Variants in GPR176 observed in about 807,000 individuals in gnomAD.
The protein encoded by GPR176 is G-protein coupled receptor 176.
In GPR176, 26 loss-of-function variants were observed where a neutral mutation model predicts 35.4. The observed-to-expected ratio is 0.74, with a 90% CI of 0.54 to 1.02. GPR176 has a LOEUF of 1.02. Among genes scored for constraint, GPR176 ranks in the 50% least tolerant of loss-of-function variants. The probability of loss-of-function intolerance (pLI) is 0.00; values close to 1 mark genes in which losing one functional copy is unlikely to be tolerated. For missense variants in GPR176, 597 were observed against 665.3 expected (o/e 0.90, Z 1.13); for synonymous variants, 278 against 271.3 (o/e 1.02, Z -0.24).
intron 1 of GPR176, among the ~76,000 whole-genome samples, chr15:39,893,796 C>T (rs1258281663): frequency 3.5e-5 from 5 of 144,628 alleles, no homozygotes; most frequent in African/African-American, 7.6e-5. Flanking sequence ...CCCCCCACCT[C>T]CCTCCCGGAT....
intron 1 of GPR176, chr15:39,813,186 C>T (rs1054995594): frequency 2.0e-5 from 3 of 152,090 alleles, no homozygotes; most frequent in Middle Eastern, 3.2e-3. Flanking sequence ...AGTCATTTAA[C>T]GTTTAGAGTA....
chr15:39,907,740 C>G (rs780800622), intron 1 of GPR176, among the ~76,000 whole-genome samples: 9 of 152,184 alleles, frequency 5.9e-5, no homozygotes, highest in Non-Finnish European at 1.0e-4. Flanking sequence ...CCTTTTCTAA[C>G]ACAGCTAGAT....
rs1216550715 is a variant in GPR176, at chr15:39,859,538, A to C, written c.173-52280T>G. Among the ~76,000 whole-genome samples, 12 of 152,016 alleles carry C rather than the reference A, an allele frequency of 7.9e-5. 1 individual carries two copies. The highest frequency in any genetic ancestry group is 7.9e-4 in the Admixed American group (12 of 15,256). On this transcript the variant is annotated intron_variant, in intron 1 of 2. Transcript: ENST00000561100. ...AAATAAAGTATTGGCAAGGATGCAG[A>C]GAAATTGGAACCTTTGTGCACTGTT... is the stretch of plus-strand genomic sequence containing the variant.
intron 1 of GPR176, among the ~76,000 whole-genome samples, chr15:39,855,965 A>AT (rs2031188074): frequency 6.6e-6 from 1 of 152,234 alleles, no homozygotes; most frequent in South Asian, 2.1e-4. Flanking sequence ...AGTAGATATC[A>AT]TTATTCATTG....
intron 1 of GPR176, chr15:39,829,339 C>T (rs1381875302): frequency 5.2e-6 from 7 of 1,346,346 alleles, no homozygotes; most frequent in Middle Eastern, 2.8e-4. Flanking sequence ...GCCAAAGTTC[C>T]ATGGGGGCAA....
chr15:39,811,867 G>A (rs1446526269), intron 1 of GPR176, among the ~76,000 whole-genome samples: 1 of 150,638 alleles, frequency 6.6e-6, no homozygotes, highest in Non-Finnish European at 1.5e-5. Flanking sequence ...AGTGAGCCGA[G>A]ATTGCGCCAT....
chr15:39,816,645 A>G (rs1284195445), intron 1 of GPR176, among the ~76,000 whole-genome samples: 1 of 152,258 alleles, frequency 6.6e-6, no homozygotes, highest in African/African-American at 2.4e-5. Context: ...ATCTTGAAAC[A>G]ACCATGAGAT....
chr15:39,893,828 G>A lies in GPR176; in HGVS notation c.172+26027C>T, dbSNP rs1425544125. Among the ~76,000 whole-genome samples, 36 of 145,794 alleles carry A rather than the reference G, an allele frequency of 2.5e-4. No homozygotes were observed. The East Asian group carries it at 6.7e-3, about 27-fold the overall frequency. On this transcript the variant is annotated intron_variant, in intron 1 of 2. Transcript: ENST00000561100. ...GGATGGGGCGGCTGGCCTGGCAGAG[G>A]GGCTCCTCACTTCCCAGTAGGGGCG... is the stretch of plus-strand genomic sequence containing the variant.
At chr15:39,813,322 G>A (rs898780255) in intron 1 of GPR176, 5 of 152,180 alleles carry the variant, frequency 3.3e-5, no homozygotes, top group African/African-American at 7.2e-5. Context: ...GAATGTCCCT[G>A]AGCATTTCTT....
intron 1 of GPR176, among the ~76,000 whole-genome samples, chr15:39,811,611 T>G (rs914000967): frequency 3.3e-5 from 5 of 152,158 alleles, no homozygotes; most frequent in Admixed American, 6.5e-5. Flanking sequence ...TTGAGCATCA[T>G]GTTGGTGCTC....
intron 1 of GPR176, among the ~76,000 whole-genome samples, chr15:39,851,301 A>G (rs1430077095): frequency 6.6e-6 from 1 of 152,200 alleles, no homozygotes; most frequent in Non-Finnish European, 1.5e-5. Flanking sequence ...TCTATGAAGA[A>G]AACATAAGCC....
intron 1 of GPR176, among the ~76,000 whole-genome samples, chr15:39,916,162 A>G (rs1001576748): frequency 6.6e-6 from 1 of 152,184 alleles, no homozygotes; most frequent in Non-Finnish European, 1.5e-5. Context: ...AAAGAGAAAT[A>G]TTAACTCTGA....
intron 1 of GPR176, among the ~76,000 whole-genome samples, chr15:39,827,603 C>G (rs1900761669): frequency 6.6e-6 from 1 of 152,198 alleles, no homozygotes; most frequent in Non-Finnish European, 1.5e-5. Flanking sequence ...AAGGTCCATT[C>G]AGTCAGTTGG....
chr15:39,884,329 T>C (rs1215114395), intron 1 of GPR176, among the ~76,000 whole-genome samples: 2 of 152,186 alleles, frequency 1.3e-5, no homozygotes, highest in Non-Finnish European at 2.9e-5. Context: ...CATGGGAATC[T>C]CTCTATATCC....
At chr15:39,811,607 A>G (rs1899550600) in intron 1 of GPR176, among the ~76,000 whole-genome samples, 1 of 152,198 alleles carries the variant, frequency 6.6e-6, no homozygotes, top group South Asian at 2.1e-4. Flanking sequence ...TCATTTGAGC[A>G]TCATGTTGGT....
At chr15:39,877,851 C>A (rs570251641) in intron 1 of GPR176, among the ~76,000 whole-genome samples, 1 of 152,156 alleles carries the variant, frequency 6.6e-6, no homozygotes, top group South Asian at 2.1e-4. Flanking sequence ...AGTGAGCCAC[C>A]GCACCCTGCC....
intron 1 of GPR176, among the ~76,000 whole-genome samples, chr15:39,819,293 A>G (rs1227482771): frequency 3.3e-5 from 5 of 152,178 alleles, no homozygotes; most frequent in Admixed American, 1.3e-4. Flanking sequence ...GGCAGGGTCC[A>G]TATCTTCTGC....
chr15:39,839,671 C>G lies in GPR176; in HGVS notation c.173-32413G>C, dbSNP rs538523643. Among the ~76,000 whole-genome samples, 3 of 152,090 alleles carry G rather than the reference C, an allele frequency of 2.0e-5. No homozygotes were observed. In the South Asian group the frequency reaches 6.2e-4, roughly 32 times the overall value. ...AGAGCTTCTGCACAGCAAAAGAAAC[C>G]ACCATCAGAGCGAACAGGCAACCTA... On this transcript the variant is annotated intron_variant, in intron 1 of 2. Transcript: ENST00000561100.
intron 1 of GPR176, among the ~76,000 whole-genome samples, chr15:39,882,769 C>T (rs960730794): frequency 1.3e-5 from 2 of 152,142 alleles, no homozygotes; most frequent in Admixed American, 1.3e-4. Flanking sequence ...GCATGTTCTG[C>T]AAAGAAATGG....
Sources: allele counts gnomAD v4.1 joint callset (sites outside exome capture counted in the v4.1 genomes callset), GRCh38; gene constraint gnomAD v4.1.1; transcripts MANE v1.5; gene names NCBI Gene and HGNC (gene_info 2026-07-23, HGNC 2026-07-21).